Variants in ACIN1 observed in about 807,000 individuals in gnomAD.
ACIN1 encodes the protein apoptotic chromatin condensation inducer 1, also known as apoptotic chromatin condensation inducer in the nucleus.
ACIN1 carries 16 observed loss-of-function variants against 146.6 expected under a neutral mutation model. The observed-to-expected ratio is 0.11, with a 90% CI of 0.07 to 0.17. The LOEUF is 0.17. Ranked by LOEUF, ACIN1 falls within the 10% of genes least tolerant of loss-of-function variation. The pLI, the probability that ACIN1 is intolerant of heterozygous loss-of-function variation, is 1.00. For missense variants in ACIN1, 1,357 were observed against 1,609.3 expected (o/e 0.84, Z 2.68); for synonymous variants, 569 against 582.7 (o/e 0.98, Z 0.34).
chr14:23,083,646 G>A (rs1238834602), intron 4 of ACIN1, among the ~76,000 whole-genome samples: 2 of 152,154 alleles, frequency 1.3e-5, no homozygotes, highest in South Asian at 2.1e-4. Flanking sequence ...GCAGAATGGC[G>A]TGAACCTGGG....
At position 23,061,602 on chromosome 14, in the gene ACIN1, G is replaced by T; in HGVS notation, c.3120C>A (p.Leu1040=). 2 of 1,542,284 alleles carry T rather than the reference G, an allele frequency of 1.3e-6. No homozygotes were observed. The change falls in exon 17 of 19, where the codon CTC becomes CTA. Residue 1040 remains leucine, a synonymous_variant. Coordinates refer to ENST00000605057, the MANE Select transcript of ACIN1 (RefSeq NM_001386863.1). ...EQDELDYHRG[L]LVDRPSETKT... is the part of the protein sequence containing the mutation. ...TAGTTTCAGAGGGACGGTCCACCAA[G>T]AGGCCTCGGTGATAATCCAGCTGTG...
Position 23,067,523 on chromosome 14 carries a change from G to A in ACIN1, c.2266-1515C>T. On this transcript the variant is annotated intron_variant, in intron 9 of 18. Coordinates refer to ENST00000605057, the MANE Select transcript of ACIN1 (RefSeq NM_001386863.1). This position sits in a 1 kb window ranked among gnomAD's most constrained non-coding sequence, Gnocchi z 4.6. ...GGGGGGCGGGAGGGAAACGTGTGGGGGGACGCTGCCCAGTTTCCATGATGT... is the reference window on the plus strand; with the variant it reads ...GGGGGGCGGGAGGGAAACGTGTGGGAGGACGCTGCCCAGTTTCCATGATGT... 2.0e-6 allele frequency: 2 copies of A among 985,688 alleles called. No individual in the cohort carries two copies. The highest frequency in any genetic ancestry group is 2.4e-6 in the Non-Finnish European group (2 of 830,100). The allele number at this position is 985,688 out of a possible 1,614,324, so 61.1% of individuals were successfully genotyped here. A position where few individuals can be genotyped will look rare whatever the true frequency, so the allele number is the denominator to read the frequency against.
rs1450708825 is a variant in ACIN1 at position 23,071,213 on chromosome 14, A to G, written c.2124-1596T>C. 3 of 1,518,716 alleles carry G rather than the reference A, an allele frequency of 2.0e-6. No homozygotes were observed. In the East Asian group the frequency reaches 7.4e-5, roughly 37 times the overall value. The allele number at this position is 1,518,716 out of a possible 1,614,324, so 94.1% of individuals were successfully genotyped here. On this transcript the variant is annotated intron_variant, in intron 8 of 18. Transcript: ENST00000605057. ...TGGAATGGAAGAAATAACAAAAACCAAACAAAAAAAATCCTAAAAAAAATA... is the reference window on the plus strand; with the variant it reads ...TGGAATGGAAGAAATAACAAAAACCGAACAAAAAAAATCCTAAAAAAAATA...
chr14:23,069,652 G>GGGGGGGGCGGC, intron 8 of ACIN1, 35 bp from the exon 9 acceptor site: 1 of 577,974 alleles, frequency 1.7e-6, no homozygotes, highest in Non-Finnish European at 3.3e-6. Context: ...GGGGGGGCGG[G>GGGGGGGGCGGC]CAGAAAAGAA....
At chr14:23,093,932 G>C (rs1472609353) in intron 1 of ACIN1, among the ~76,000 whole-genome samples, 1 of 152,256 alleles carries the variant, frequency 6.6e-6, no homozygotes, top group Non-Finnish European at 1.5e-5. Context: ...TGGGGCTCCT[G>C]GTTTTTGCCT....
Position 23,068,208 on chromosome 14 carries a change from C to CA in ACIN1, c.2265+1267dup, listed in dbSNP as rs2140049612. 1.0e-6 allele frequency: 1 copy of CA among 985,932 alleles called. No individual in the cohort carries two copies. The highest frequency in any genetic ancestry group is 1.1e-4 in the East Asian group (1 of 8,820). 61.1% of individuals were successfully genotyped at this position (985,932 alleles called of 1,614,324 possible). A position where few individuals can be genotyped will look rare whatever the true frequency, so the allele number is the denominator to read the frequency against. ...CACAGCTTAAGTAGAGGGTCCCACT[C>CA]AGTGTTTTACAGCATGGCACTGCGA... On this transcript the variant is annotated intron_variant, in intron 9 of 18. Coordinates refer to ENST00000605057, the MANE Select transcript of ACIN1 (RefSeq NM_001386863.1). The surrounding 1 kb of genome is among the most constrained non-coding windows in gnomAD (Gnocchi z 4.3).
At chr14:23,071,063 AG>A (rs1386269825) in intron 8 of ACIN1, 6 of 1,485,698 alleles carry the variant, frequency 4.0e-6, no homozygotes, top group East Asian at 4.9e-5. Context: ...GAGGAAGAGA[AG>A]GAAGACGAAG....
chr14:23,092,544 G>C (rs1001804808), intron 2 of ACIN1, among the ~76,000 whole-genome samples: 1 of 152,192 alleles, frequency 6.6e-6, no homozygotes, highest in African/African-American at 2.4e-5. Context: ...GATAACAAAG[G>C]AGGAGGAGGG....
intron 1 of ACIN1, chr14:23,094,602 A>T: frequency 2.1e-6 from 2 of 930,968 alleles, no homozygotes; most frequent in Non-Finnish European, 2.6e-6. Flanking sequence ...ACTCCGACCC[A>T]GCCCAACTCG....
intron 13 of ACIN1, 177 bp from the exon 14 acceptor site, chr14:23,063,251 G>A (rs1205489653): frequency 9.1e-7 from 1 of 1,096,530 alleles, no homozygotes; most frequent in Non-Finnish European, 1.3e-6. Flanking sequence ...TCATCATGGA[G>A]ATTCAAAGAT....
At chr14:23,079,510 C>G in intron 6 of ACIN1, 37 bp downstream of exon 6, 1 of 1,601,204 alleles carries the variant, frequency 6.2e-7, no homozygotes, top group Non-Finnish European at 8.5e-7. Flanking sequence ...TGGAATATGA[C>G]AGAACATTAA....
intron 8 of ACIN1, among the ~76,000 whole-genome samples, chr14:23,073,644 G>C (rs1255246681): frequency 6.6e-6 from 1 of 152,044 alleles, no homozygotes; most frequent in Non-Finnish European, 1.5e-5. Flanking sequence ...GGCAACAAGA[G>C]CAAAACTCCA....
At chr14:23,063,717 C>CTT (rs765633426) in intron 12 of ACIN1, 140 bp from the exon 13 acceptor site, 9 of 1,005,742 alleles carry the variant, frequency 8.9e-6, no homozygotes, top group Non-Finnish European at 1.3e-5. Flanking sequence ...CGGCTCACTT[C>CTT]TACCAGATCC....
intron 8 of ACIN1, among the ~76,000 whole-genome samples, chr14:23,073,129 G>A (rs1272065405): frequency 3.3e-5 from 5 of 152,184 alleles, no homozygotes; most frequent in Non-Finnish European, 4.4e-5. Context: ...CTTGTTTTCT[G>A]AGGCAAAGCC....
chr14:23,066,373 A>G (rs764885155), intron 9 of ACIN1: 10 of 168,628 alleles, frequency 5.9e-5, no homozygotes, highest in African/African-American at 9.6e-5. Flanking sequence ...GTCTGAGTCG[A>G]GAGGACACCA....
intron 8 of ACIN1, chr14:23,071,684 GACTGCTGGCTC>G (rs1555372183): frequency 1.6e-5 from 15 of 919,432 alleles, no homozygotes; most frequent in Non-Finnish European, 1.6e-5. Context: ...ACAGGGAGCC[GACTGCTGGCTC>G]CAGAGGCCTG....
At chr14:23,072,066 G>A (rs1167519120) in intron 8 of ACIN1, among the ~76,000 whole-genome samples, 3 of 152,196 alleles carry the variant, frequency 2.0e-5, no homozygotes. Context: ...GATGCTGCAG[G>A]TAGGGAGGTG....
In ACIN1 at chr14:23,080,550, A is replaced by G. The variant is rs1356426198; in HGVS notation, c.785T>C (p.Met262Thr). 1.2e-6 allele frequency: 2 copies of G among 1,613,836 alleles called. No homozygotes were observed. Among genetic ancestry groups the G allele is most frequent in the Non-Finnish European group, 1.7e-6 (2 of 1,179,956 alleles). The stretch of plus-strand genomic sequence containing the variant: ...GGATCTTGTTTTGGGTCTCTCATCC[A>G]TCATCTCCTCTGGTTTTACTCTAGG... ...EIPRVKPEEM[M>T]DERPKTRSQE... Residue 262 changes from methionine (M) to threonine (T), a missense_variant, in exon 6 of 19, where the codon ATG (methionine) becomes ACG (threonine). Physicochemically the swap from Met to Thr is moderately conservative, Grantham distance 81 (BLOSUM62 -1). Coordinates refer to ENST00000605057, the MANE Select transcript of ACIN1 (RefSeq NM_001386863.1).
At position 23,094,853 on chromosome 14, in the gene ACIN1, G is replaced by A. The variant is rs997682513; in HGVS notation, c.138+122C>T. On this transcript the variant is annotated intron_variant, in intron 1 of 18. Coordinates refer to ENST00000605057, the MANE Select transcript of ACIN1 (RefSeq NM_001386863.1). Reference sequence around the variant, plus strand: ...CAACCACCGTGCGCGCGGATCCAGAGGCTCGCGCTGGCGGCCTGAGCGAGC... The same window carrying A: ...CAACCACCGTGCGCGCGGATCCAGAAGCTCGCGCTGGCGGCCTGAGCGAGC... The A allele has an allele frequency of 2.6e-5, 36 of 1,365,154 alleles. No homozygotes were observed. The African/African-American group carries it at 4.9e-4, about 18-fold the overall frequency. 84.6% of individuals were successfully genotyped at this position (1,365,154 alleles called of 1,614,324 possible).
Sources: gnomAD v4.1 joint callset for allele counts (sites outside exome capture counted in the v4.1 genomes callset) on GRCh38, gnomAD v4.1.1 for gene constraint, Gnocchi (gnomAD v3.1) non-coding constraint, MANE v1.5 for transcripts, NCBI Gene and HGNC (gene_info 2026-07-23, HGNC 2026-07-21) for gene names.